The following TECTB variants were observed in gnomAD, a reference collection of about 807,000 sequenced individuals.
TECTB encodes beta-tectorin.
A neutral mutation model predicts 43.3 loss-of-function variants in TECTB; 45 were observed. That is an observed-to-expected ratio of 1.04 (90% CI 0.82 to 1.33). TECTB has a LOEUF of 1.33. Among genes scored for constraint, TECTB ranks in the 40% most tolerant of loss-of-function variants. The pLI, the probability that TECTB is intolerant of heterozygous loss-of-function variation, is 0.00. For synonymous variants in TECTB, 169 were observed against 156.7 expected (o/e 1.08, Z -0.59); for missense variants, 399 against 404.7 (o/e 0.99, Z 0.12).
In TECTB at chr10:112,303,293, G is replaced by A. The variant is rs373118400; in HGVS notation, c.971G>A (p.Gly324Glu). 1 of 1,614,088 alleles carries A rather than the reference G, an allele frequency of 6.2e-7. No individual in the cohort carries two copies. Residue 324 changes from glycine to glutamate, a missense_variant, in exon 11 of 11, where the codon GGG becomes GAG. Physicochemically the swap from Gly to Glu is moderately conservative, Grantham distance 98. Coordinates refer to ENST00000646139, the MANE Select transcript of TECTB (RefSeq NM_058222.3). ...DVLHHLIMML[G>E]ICAVL ...CTCCACCACCTCATCATGATGTTGG[G>A]GATTTGTGCCGTGTTATAGGAGTTA...
intron 5 of TECTB, among the ~76,000 whole-genome samples, chr10:112,292,805 A>C (rs989855748): frequency 1.1e-4 from 15 of 138,022 alleles, no homozygotes; most frequent in South Asian, 4.6e-4. Flanking sequence ...CCCGCTCCCC[A>C]CTCTCCACCC....
chr10:112,298,827 T>TA (rs1353794189), intron 8 of TECTB, among the ~76,000 whole-genome samples: 2 of 152,222 alleles, frequency 1.3e-5, no homozygotes, highest in Non-Finnish European at 2.9e-5. Flanking sequence ...AACCACCACT[T>TA]AGACACTTAG....
At chr10:112,301,981 G>T (rs1848616013) in intron 9 of TECTB, 120 bp from the exon 10 acceptor site, 3 of 1,223,308 alleles carry the variant, frequency 2.5e-6, no homozygotes, top group African/African-American at 3.0e-5. Context: ...AAAGTGCTGG[G>T]ATTACAAGTG....
chr10:112,290,382 G>A (rs975931394), intron 5 of TECTB, among the ~76,000 whole-genome samples: 1 of 152,226 alleles, frequency 6.6e-6, no homozygotes, highest in South Asian at 2.1e-4. Flanking sequence ...TCACATTATA[G>A]AGAAAGTAGG....
At chr10:112,298,825 CT>C (rs1848571722) in intron 8 of TECTB, among the ~76,000 whole-genome samples, 1 of 152,222 alleles carries the variant, frequency 6.6e-6, no homozygotes, top group South Asian at 2.1e-4. Flanking sequence ...AGAACCACCA[CT>C]TAGACACTTA....
intron 8 of TECTB, among the ~76,000 whole-genome samples, chr10:112,299,245 GA>G (rs759029894): frequency 2.0e-5 from 3 of 152,304 alleles, no homozygotes; most frequent in Non-Finnish European, 4.4e-5. Context: ...CTTCCAGAAG[GA>G]TTCCCTCTGG....
chr10:112,289,719 T>A (rs545111096), intron 5 of TECTB, among the ~76,000 whole-genome samples: 11 of 152,290 alleles, frequency 7.2e-5, no homozygotes, highest in African/African-American at 2.4e-4. Context: ...TTGCTCAGTA[T>A]CCCTATTAAA....
At chr10:112,291,586 A>C (rs1474503878) in intron 5 of TECTB, among the ~76,000 whole-genome samples, 1 of 152,218 alleles carries the variant, frequency 6.6e-6, no homozygotes, top group Non-Finnish European at 1.5e-5. Context: ...TCCTTGCTGA[A>C]ATCCGTTCCT....
Position 112,304,739 on chromosome 10 carries a change from A to G in TECTB, c.*1427A>G, listed in dbSNP as rs1848638806. On this transcript the variant is annotated 3_prime_UTR_variant, in exon 11 of 11. Transcript: ENST00000646139. ...ACATGAAGTGTATGTTTGTTTAGTA[A>G]TAGGCTAAAGTAAAATGACTCAATT... 1 of 152,250 alleles carries G rather than the reference A, an allele frequency of 6.6e-6. No individual in the cohort carries two copies. 9.4% of individuals were successfully genotyped at this position (152,250 alleles called of 1,614,324 possible). A position where few individuals can be genotyped will look rare whatever the true frequency, so the allele number is the denominator to read the frequency against.
chr10:112,286,941 C>CA lies in TECTB; in HGVS notation c.483+557dup, dbSNP rs1301016285. The stretch of plus-strand genomic sequence containing the variant: ...CCATCTCAAAAAACAAAAATAAAAA[C>CA]AAAAAAACCAATCTTCCGCAAAGAT... On this transcript the variant is annotated intron_variant, in intron 5 of 10. Transcript: ENST00000646139. Among the ~76,000 whole-genome samples the CA allele has an allele frequency of 2.6e-5, 4 of 152,052 alleles. No individual in the cohort carries two copies. In the South Asian group the frequency reaches 6.2e-4, roughly 24 times the overall value.
intron 9 of TECTB, among the ~76,000 whole-genome samples, chr10:112,300,522 A>G (rs73361313): frequency 0.024 from 3,602 of 152,246 alleles, 161 homozygotes; most frequent in African/African-American, 0.082. Context: ...AAGGAGAGAG[A>G]TGTTAGACAC....
At chr10:112,302,306 C>T in intron 10 of TECTB, 173 bp downstream of exon 10, 1 of 668,482 alleles carries the variant, frequency 1.5e-6, no homozygotes, top group Non-Finnish European at 2.5e-6. Flanking sequence ...CTCCCTCTGA[C>T]CAGCCCCTGA....
intron 7 of TECTB, among the ~76,000 whole-genome samples, chr10:112,295,643 T>C (rs1419140134): frequency 6.6e-6 from 1 of 152,228 alleles, no homozygotes; most frequent in Non-Finnish European, 1.5e-5. Flanking sequence ...CAGCCTCTGT[T>C]AGCAATGGTG....
At chr10:112,286,613 A>G (rs74158709) in intron 5 of TECTB, among the ~76,000 whole-genome samples, 2 of 152,138 alleles carry the variant, frequency 1.3e-5, no homozygotes, top group African/African-American at 2.4e-5. Context: ...AAGGTATAAG[A>G]TATAAGCTAT....
At chr10:112,289,306 C>T (rs916104328) in intron 5 of TECTB, among the ~76,000 whole-genome samples, 9 of 152,120 alleles carry the variant, frequency 5.9e-5, no homozygotes, top group Admixed American at 4.6e-4. Context: ...CAAAACAGTA[C>T]TGATCATTCC....
At chr10:112,289,872 C>T (rs74848039) in intron 5 of TECTB, among the ~76,000 whole-genome samples, 9,396 of 152,064 alleles carry the variant, frequency 0.062, 325 homozygotes, top group Middle Eastern at 0.12. Flanking sequence ...TTTTTTTCAC[C>T]GCTACTTCAC....
At chr10:112,286,510 C>T in intron 5 of TECTB, 119 bp downstream of exon 5, 2 of 1,081,368 alleles carry the variant, frequency 1.8e-6, no homozygotes, top group Admixed American at 2.8e-5. Context: ...TTCTTAAATT[C>T]AAGTTGAAAC....
intron 7 of TECTB, among the ~76,000 whole-genome samples, chr10:112,295,762 G>A (rs976036341): frequency 2.0e-5 from 3 of 152,212 alleles, no homozygotes; most frequent in Non-Finnish European, 4.4e-5. Flanking sequence ...CTAGGCAAAG[G>A]CTTCTGCTAC....
chr10:112,288,413 C>T (rs1012130282), intron 5 of TECTB, among the ~76,000 whole-genome samples: 7 of 152,114 alleles, frequency 4.6e-5, no homozygotes, highest in Non-Finnish European at 8.8e-5. Context: ...AGACAGATAA[C>T]GGGACACTCC....
Sources: allele counts gnomAD v4.1 joint callset (sites outside exome capture counted in the v4.1 genomes callset), GRCh38; gene constraint gnomAD v4.1.1; transcripts MANE v1.5; gene names NCBI Gene and HGNC (gene_info 2026-07-23, HGNC 2026-07-21).